TMEM217B: variants seen among roughly 807,000 people sequenced by gnomAD.
The protein encoded by TMEM217B is putative transmembrane protein 217B.
At chr6:37,231,690 T>A in the TMEM217B span, among the ~76,000 whole-genome samples, 2 of 145,168 alleles carry the variant, frequency 1.4e-5, no homozygotes. Context: ...AAAAAAAAAA[T>A]TCAACAGAAA....
At chr6:37,244,479 T>C in the TMEM217B span, among the ~76,000 whole-genome samples, 11 of 152,262 alleles carry the variant, frequency 7.2e-5, no homozygotes, top group African/African-American at 2.7e-4. Flanking sequence ...CCTTGGCCTA[T>C]AAACATGTTG....
the TMEM217B span, among the ~76,000 whole-genome samples, chr6:37,242,201 C>T: frequency 1.3e-5 from 2 of 152,118 alleles, no homozygotes; most frequent in African/African-American, 4.8e-5. Context: ...TGGCTTAGAG[C>T]TCAGTCCCCA....
chr6:37,235,968 C>T, the TMEM217B span, among the ~76,000 whole-genome samples: 1 of 152,042 alleles, frequency 6.6e-6, no homozygotes, highest in Non-Finnish European at 1.5e-5. Context: ...ACATTCAAAC[C>T]ACAGCAATAT....
chr6:37,257,631 C>T, the TMEM217B span: 2 of 441,564 alleles, frequency 4.5e-6, no homozygotes, highest in African/African-American at 2.1e-5. Flanking sequence ...CAAGCTCCGC[C>T]TTCCCCGTCC....
At chr6:37,238,048 A>G in the TMEM217B span, among the ~76,000 whole-genome samples, 1 of 152,172 alleles carries the variant, frequency 6.6e-6, no homozygotes, top group Non-Finnish European at 1.5e-5. Context: ...ATTATTTACA[A>G]TAACTAATAT....
chr6:37,216,864 T>C, the TMEM217B span, among the ~76,000 whole-genome samples: 44 of 152,294 alleles, frequency 2.9e-4, no homozygotes, highest in African/African-American at 1.0e-3. Context: ...CCTTCTGCCA[T>C]GTAAGGACAG....
the TMEM217B span, chr6:37,212,389 C>T: frequency 2.6e-6 from 1 of 386,838 alleles, no homozygotes; most frequent in Admixed American, 2.9e-5. Flanking sequence ...CCATTCCCTC[C>T]CACCTTTCCT....
chr6:37,225,804 C>T, the TMEM217B span, among the ~76,000 whole-genome samples: 650 of 152,300 alleles, frequency 4.3e-3, 1 homozygote, highest in African/African-American at 0.015. Flanking sequence ...CCATGACCAA[C>T]GGGATGCAAA....
chr6:37,219,757 C>T, the TMEM217B span, among the ~76,000 whole-genome samples: 3 of 152,064 alleles, frequency 2.0e-5, no homozygotes, highest in South Asian at 2.1e-4. Flanking sequence ...ATGCTGTTAA[C>T]TCTCCCAGCA....
At chr6:37,213,494 T>TGG in the TMEM217B span, among the ~76,000 whole-genome samples, 1 of 152,236 alleles carries the variant, frequency 6.6e-6, no homozygotes, top group Non-Finnish European at 1.5e-5. Flanking sequence ...TCCCTGGGCA[T>TGG]GGCCCAGCCT....
chr6:37,218,784 G>A, the TMEM217B span: 4 of 1,614,070 alleles, frequency 2.5e-6, no homozygotes, highest in African/African-American at 4.0e-5. Flanking sequence ...ACTGAGTACA[G>A]GAGGAAGCAG....
the TMEM217B span, among the ~76,000 whole-genome samples, chr6:37,243,271 C>T: frequency 1.3e-5 from 2 of 152,226 alleles, no homozygotes; most frequent in Admixed American, 6.5e-5. Flanking sequence ...GTTATAAATT[C>T]GGTTGGCCAG....
the TMEM217B span, among the ~76,000 whole-genome samples, chr6:37,213,488 T>C: frequency 6.6e-6 from 1 of 152,242 alleles, no homozygotes; most frequent in African/African-American, 2.4e-5. Flanking sequence ...ATTTGCTCCC[T>C]GGGCATGGCC....
At chr6:37,216,307 G>T in the TMEM217B span, among the ~76,000 whole-genome samples, 1 of 152,074 alleles carries the variant, frequency 6.6e-6, no homozygotes, top group Non-Finnish European at 1.5e-5. Context: ...TTGAACTCCT[G>T]ACCTCAAGTG....
chr6:37,236,638 C>T, the TMEM217B span, among the ~76,000 whole-genome samples: 1 of 148,980 alleles, frequency 6.7e-6, no homozygotes, highest in African/African-American at 2.5e-5. Flanking sequence ...GTTTGCTCAT[C>T]TTTAAATTGG....
At chr6:37,246,515 GAA>G in the TMEM217B span, among the ~76,000 whole-genome samples, 3 of 152,162 alleles carry the variant, frequency 2.0e-5, no homozygotes, top group East Asian at 5.8e-4. Flanking sequence ...AAGAGGGAGT[GAA>G]AAACTGACAA....
the TMEM217B span, among the ~76,000 whole-genome samples, chr6:37,221,190 C>CTTT: frequency 7.0e-6 from 1 of 143,494 alleles, no homozygotes; most frequent in Non-Finnish European, 1.5e-5. Flanking sequence ...TAAGTGGAGT[C>CTTT]TTTTTTTTTT....
At chr6:37,221,250 AATCTCAGCTCACTGTAACCTCC>A in the TMEM217B span, among the ~76,000 whole-genome samples, 1 of 151,198 alleles carries the variant, frequency 6.6e-6, no homozygotes, top group Non-Finnish European at 1.5e-5. Flanking sequence ...GCAGTGGTGC[AATCTCAGCTCACTGTAACCTCC>A]ATCTCCTGGG....
chr6:37,221,794 T>C, the TMEM217B span, among the ~76,000 whole-genome samples: 1 of 152,254 alleles, frequency 6.6e-6, no homozygotes, highest in Non-Finnish European at 1.5e-5. Flanking sequence ...AAGATGAAGA[T>C]GAGCTTTAAG....
Sources: gnomAD v4.1 joint callset for allele counts (sites outside exome capture counted in the v4.1 genomes callset) on GRCh38, gnomAD v4.1.1 for gene constraint, MANE v1.5 for transcripts, NCBI Gene and HGNC (gene_info 2026-07-23, HGNC 2026-07-21) for gene names.